LAMA1: variants seen among roughly 807,000 people sequenced by gnomAD.
LAMA1 encodes the protein laminin subunit alpha-1.
LAMA1 carries 219 observed loss-of-function variants against 348.7 expected under a neutral mutation model. The ratio of observed to expected loss-of-function variants is 0.63; its 90% confidence interval spans 0.56 to 0.70. The LOEUF is 0.70. LAMA1 is among the 30% of genes least tolerant of loss of function. LAMA1 has a pLI of 0.00. For synonymous variants in LAMA1, 1,487 were observed against 1,491.0 expected (o/e 1.00, Z 0.06); for missense variants, 3,744 against 3,888.0 (o/e 0.96, Z 0.99).
chr18:6,987,711 T>A (rs2057741359), intron 36 of LAMA1, among the ~76,000 whole-genome samples: 2 of 152,194 alleles, frequency 1.3e-5, no homozygotes, highest in African/African-American at 2.4e-5. Flanking sequence ...GTCACTGGGT[T>A]AAGACACGAC....
At position 6,997,957 on chromosome 18, in the gene LAMA1, C is replaced by G. The variant is rs773462516; in HGVS notation, c.4664-73G>C. Reference sequence around the variant, plus strand: ...GTCTGCCCATTTTTTCATGGAGTTGCGCAAGTTGTTTTGTGAAAATGACAC... The same window carrying G: ...GTCTGCCCATTTTTTCATGGAGTTGGGCAAGTTGTTTTGTGAAAATGACAC... On this transcript the variant is annotated intron_variant, in intron 32 of 62. Transcript: ENST00000389658. 2.1e-5 allele frequency: 29 copies of G among 1,412,072 alleles called. No individual in the cohort carries two copies. In the Middle Eastern group the frequency reaches 8.7e-4, roughly 42 times the overall value. The allele number at this position is 1,412,072 out of a possible 1,614,324, so 87.5% of individuals were successfully genotyped here. A position where few individuals can be genotyped will look rare whatever the true frequency, so the allele number is the denominator to read the frequency against.
intron 19 of LAMA1, among the ~76,000 whole-genome samples, chr18:7,017,782 C>T (rs1036544115): frequency 7.9e-5 from 12 of 152,066 alleles, no homozygotes; most frequent in South Asian, 2.1e-4. Context: ...TCAGTTAAAA[C>T]GTAATCTAAA....
intron 41 of LAMA1, among the ~76,000 whole-genome samples, chr18:6,981,977 C>T (rs954089823): frequency 1.3e-5 from 2 of 152,154 alleles, no homozygotes; most frequent in African/African-American, 4.8e-5. Context: ...GTCATTCTTT[C>T]TTGAAACTTT....
intron 1 of LAMA1, among the ~76,000 whole-genome samples, chr18:7,100,219 T>A (rs559091140): frequency 6.6e-6 from 1 of 152,136 alleles, no homozygotes. Context: ...GAATAGACAT[T>A]TCACCAAAGA....
intron 45 of LAMA1, among the ~76,000 whole-genome samples, chr18:6,975,682 C>CA (rs35476373): frequency 7.2e-5 from 11 of 152,108 alleles, no homozygotes; most frequent in Admixed American, 6.5e-4. Context: ...GGGGGAATCA[C>CA]AAAAAAGTTC....
At chr18:6,946,313 CAG>C (rs1189717458) in intron 61 of LAMA1, among the ~76,000 whole-genome samples, 3 of 151,954 alleles carry the variant, frequency 2.0e-5, no homozygotes, top group African/African-American at 7.3e-5. Flanking sequence ...ACTGGCAAAA[CAG>C]AAATTAGAGG....
Position 6,977,796 on chromosome 18 carries a change from C to T in LAMA1, c.6276G>A (p.Glu2092=), listed in dbSNP as rs1346895584. 4 of 1,614,052 alleles carry T rather than the reference C, an allele frequency of 2.5e-6. No homozygotes were observed. The highest frequency in any genetic ancestry group is 3.4e-6 in the Non-Finnish European group (4 of 1,180,036). Residue 2092 remains glutamate, a synonymous_variant, in exon 44 of 63, where the codon GAG becomes GAA. Coordinates refer to ENST00000389658, the MANE Select transcript of LAMA1 (RefSeq NM_005559.4). ...FDRLKPLKML[E]ENLSRNLSEI... is the part of the protein sequence containing the mutation. ...CTGATAGGTTTCTGCTCAGATTCTC[C>T]TCTAACATCTTCAAAGGCTTCAACC...
At chr18:6,975,432 C>T (rs1428548157) in intron 45 of LAMA1, among the ~76,000 whole-genome samples, 2 of 152,232 alleles carry the variant, frequency 1.3e-5, no homozygotes, top group African/African-American at 4.8e-5. Flanking sequence ...AGGTCCCACC[C>T]CTGTCACAGA....
intron 1 of LAMA1, among the ~76,000 whole-genome samples, chr18:7,116,257 G>C (rs1048577832): frequency 6.6e-6 from 1 of 152,184 alleles, no homozygotes; most frequent in Non-Finnish European, 1.5e-5. Flanking sequence ...ATAAGCTGAG[G>C]CAAGCTGCTC....
intron 1 of LAMA1, among the ~76,000 whole-genome samples, chr18:7,087,177 A>C (rs2058221177): frequency 6.6e-6 from 1 of 152,196 alleles, no homozygotes; most frequent in African/African-American, 2.4e-5. Flanking sequence ...AATAAGTGGG[A>C]ATTTTGGTAG....
In LAMA1 at chr18:6,999,576, C is replaced by T; in HGVS notation, c.4532G>A (p.Cys1511Tyr). Residue 1511 changes from cysteine to tyrosine, a missense_variant, in exon 32 of 63, where the codon TGC (cysteine) becomes TAC (tyrosine). Cys to Tyr is a radical substitution (Grantham distance 194). Transcript: ENST00000389658. ...TPGGSCQKCD[C>Y]NPHGSVHGDC... ...ACCGTGGACAGAGCCGTGCGGGTTG[C>T]AGTCACACTTCTGGCAACTGCCACC... is the stretch of plus-strand genomic sequence containing the variant. 2 of 1,613,992 alleles carry T rather than the reference C, an allele frequency of 1.2e-6. No homozygotes were observed. The highest frequency in any genetic ancestry group is 2.2e-5 in the East Asian group (1 of 44,868).
chr18:7,077,690 T>G (rs537890701), intron 3 of LAMA1, among the ~76,000 whole-genome samples: 16 of 152,122 alleles, frequency 1.1e-4, no homozygotes, highest in African/African-American at 3.9e-4. Context: ...TTGGCCAAAC[T>G]CATATAATAT....
Position 7,082,997 on chromosome 18 carries a change from G to A in LAMA1, c.62-2540C>T, listed in dbSNP as rs2058199151. On this transcript the variant is annotated intron_variant, in intron 1 of 62. Coordinates refer to ENST00000389658, the MANE Select transcript of LAMA1 (RefSeq NM_005559.4). ...GTTATTGAGGAGGGGAGGGGGCCAGGGAGTCATGGAGGCACCACACACTGT... is the reference window on the plus strand; with the variant it reads ...GTTATTGAGGAGGGGAGGGGGCCAGAGAGTCATGGAGGCACCACACACTGT... Among the ~76,000 whole-genome samples, 3 of 151,686 alleles carry A rather than the reference G, an allele frequency of 2.0e-5. No homozygotes were observed. The South Asian group carries it at 6.2e-4, about 31-fold the overall frequency.
At chr18:7,082,839 C>G (rs1027372628) in intron 1 of LAMA1, among the ~76,000 whole-genome samples, 3 of 152,170 alleles carry the variant, frequency 2.0e-5, no homozygotes, top group Non-Finnish European at 4.4e-5. Flanking sequence ...CTTCACAATG[C>G]ATTTCTCTAT....
intron 46 of LAMA1, 39 bp downstream of exon 46, chr18:6,974,864 T>C: frequency 1.2e-6 from 2 of 1,613,162 alleles, no homozygotes; most frequent in Non-Finnish European, 8.5e-7. Flanking sequence ...AGACACACTT[T>C]AAAAAAGAGA....
intron 1 of LAMA1, among the ~76,000 whole-genome samples, chr18:7,109,307 A>AC (rs1170944561): frequency 6.6e-6 from 1 of 150,824 alleles, no homozygotes; most frequent in Non-Finnish European, 1.5e-5. Context: ...TAATGCTAGA[A>AC]CCCCCCTGGG....
intron 27 of LAMA1, among the ~76,000 whole-genome samples, chr18:7,008,902 T>C (rs952428): frequency 0.16 from 23,720 of 152,178 alleles, 2,514 homozygotes; most frequent in African/African-American, 0.3. Context: ...AAGTATGAGA[T>C]GAGTAGGTGA....
chr18:7,022,794 C>T (rs930792002), intron 19 of LAMA1, among the ~76,000 whole-genome samples: 2 of 152,186 alleles, frequency 1.3e-5, no homozygotes, highest in African/African-American at 4.8e-5. Context: ...CTTGGAATCC[C>T]ATCTGCCTCG....
At chr18:6,955,966 C>T (rs1179895091) in intron 56 of LAMA1, 3 of 314,764 alleles carry the variant, frequency 9.5e-6, no homozygotes, top group South Asian at 5.9e-5. Flanking sequence ...GCGGGAAGGG[C>T]CCCTGAACCC....
Sources: allele counts gnomAD v4.1 joint callset (sites outside exome capture counted in the v4.1 genomes callset), GRCh38; gene constraint gnomAD v4.1.1; transcripts MANE v1.5; gene names NCBI Gene and HGNC (gene_info 2026-07-23, HGNC 2026-07-21).